DOK6: variants seen among roughly 807,000 people sequenced by gnomAD.
DOK6 encodes the protein docking protein 6.
A neutral mutation model predicts 44.0 loss-of-function variants in DOK6; 22 were observed. That is an observed-to-expected ratio of 0.50 (90% confidence interval 0.36 to 0.71). The LOEUF is 0.71. Among genes scored for constraint, DOK6 ranks in the 30% least tolerant of loss-of-function variants. The pLI is 0.00. For missense variants in DOK6, 340 were observed against 416.4 expected (o/e 0.82, Z 1.60); for synonymous variants, 166 against 145.5 (o/e 1.14, Z -1.01).
intron 3 of DOK6, among the ~76,000 whole-genome samples, chr18:69,659,287 A>G (rs1034777666): frequency 2.0e-5 from 3 of 152,236 alleles, no homozygotes; most frequent in African/African-American, 7.2e-5. Flanking sequence ...TTCAAAAGTC[A>G]CTGCTGTGCA....
intron 2 of DOK6, among the ~76,000 whole-genome samples, chr18:69,573,725 A>G (rs769605705): frequency 6.6e-6 from 1 of 151,812 alleles, no homozygotes; most frequent in Non-Finnish European, 1.5e-5. Flanking sequence ...CTTTGTATCA[A>G]CCTTACTATG....
chr18:69,576,769 A>G (rs911830600), intron 2 of DOK6, among the ~76,000 whole-genome samples: 1 of 152,212 alleles, frequency 6.6e-6, no homozygotes, highest in Non-Finnish European at 1.5e-5. Flanking sequence ...TTGTCATAAC[A>G]GATATTGAAA....
intron 1 of DOK6, among the ~76,000 whole-genome samples, chr18:69,522,247 C>T (rs983198360): frequency 1.3e-5 from 2 of 151,802 alleles, no homozygotes; most frequent in African/African-American, 2.4e-5. Flanking sequence ...CACACACACA[C>T]GAGTTACCCA....
Position 69,485,631 on chromosome 18 carries a change from T to C in DOK6, c.67-78856T>C, listed in dbSNP as rs150072934. On this transcript the variant is annotated intron_variant, in intron 1 of 7. Transcript: ENST00000382713. ...GAGTGAAGGGTAAACATTCAAACAT[T>C]CAACTCGGTTTGAGAAGAGATGATG... Among the ~76,000 whole-genome samples the C allele has an allele frequency of 9.1e-3, 1,392 of 152,204 alleles. 22 individuals are homozygous for C. The highest frequency in any genetic ancestry group is 0.031 in the African/African-American group (1,271 of 41,518).
At chr18:69,704,434 C>T (rs1029477306) in intron 5 of DOK6, among the ~76,000 whole-genome samples, 2 of 150,034 alleles carry the variant, frequency 1.3e-5, no homozygotes, top group African/African-American at 4.9e-5. Flanking sequence ...CCAGAGTCTG[C>T]AGGCGATTTG....
At chr18:69,436,604 G>A (rs1250417881) in intron 1 of DOK6, among the ~76,000 whole-genome samples, 1 of 152,164 alleles carries the variant, frequency 6.6e-6, no homozygotes, top group African/African-American at 2.4e-5. Context: ...ATTGTGAACA[G>A]TGCTGCAATA....
At chr18:69,579,666 T>C (rs1038304877) in intron 2 of DOK6, among the ~76,000 whole-genome samples, 1 of 151,952 alleles carries the variant, frequency 6.6e-6, no homozygotes, top group African/African-American at 2.4e-5. Context: ...CTCGTTCAAA[T>C]GATTCTCCTG....
intron 4 of DOK6, among the ~76,000 whole-genome samples, chr18:69,684,081 C>T (rs1986098760): frequency 6.6e-6 from 1 of 152,200 alleles, no homozygotes; most frequent in Non-Finnish European, 1.5e-5. Context: ...GGATGAAACA[C>T]AAAGTCTTGA....
At chr18:69,533,095 A>G (rs1048702597) in intron 1 of DOK6, among the ~76,000 whole-genome samples, 1 of 152,282 alleles carries the variant, frequency 6.6e-6, no homozygotes, top group East Asian at 1.9e-4. Flanking sequence ...CTTAAAAAAT[A>G]TCACATTTAG....
intron 5 of DOK6, 113 bp downstream of exon 5, chr18:69,698,706 A>G: frequency 9.9e-7 from 1 of 1,012,906 alleles, no homozygotes. Flanking sequence ...CACTGTTTTC[A>G]TTCAGGGTAA....
intron 4 of DOK6, among the ~76,000 whole-genome samples, chr18:69,690,013 C>T (rs1178582541): frequency 1.3e-5 from 2 of 151,966 alleles, no homozygotes; most frequent in Non-Finnish European, 2.9e-5. Context: ...TATTATGATA[C>T]AGTATAACAG....
chr18:69,748,875 G>A, intron 6 of DOK6, among the ~76,000 whole-genome samples: 1 of 152,128 alleles, frequency 6.6e-6, no homozygotes, highest in East Asian at 1.9e-4. Context: ...CTGAAGCACT[G>A]TTCACAATAG....
At chr18:69,481,657 A>G (rs1195016092) in intron 1 of DOK6, among the ~76,000 whole-genome samples, 21 of 152,106 alleles carry the variant, frequency 1.4e-4, no homozygotes, top group African/African-American at 4.8e-4. Context: ...AGTCTTTGCT[A>G]TTGTGAATAG....
intron 1 of DOK6, among the ~76,000 whole-genome samples, chr18:69,547,094 G>GTTGT (rs1054047982): frequency 6.6e-6 from 1 of 151,270 alleles, no homozygotes; most frequent in East Asian, 1.9e-4. Flanking sequence ...ACCCTTTTTT[G>GTTGT]TTGTTTGTTT....
At chr18:69,718,226 G>A (rs199614338) in intron 5 of DOK6, among the ~76,000 whole-genome samples, 3 of 152,278 alleles carry the variant, frequency 2.0e-5, no homozygotes, top group East Asian at 3.9e-4. Flanking sequence ...GGTAGAAGGG[G>A]AGAGTTGGGA....
chr18:69,800,470 C>T (rs938294784), intron 7 of DOK6, among the ~76,000 whole-genome samples: 26 of 152,224 alleles, frequency 1.7e-4, no homozygotes, highest in African/African-American at 5.5e-4. Context: ...ATCCAATGTA[C>T]TTTATCTGTA....
chr18:69,574,185 G>A (rs1194985742), intron 2 of DOK6, among the ~76,000 whole-genome samples: 1 of 151,984 alleles, frequency 6.6e-6, no homozygotes. Flanking sequence ...CAGACCCCAA[G>A]TTTCAGAAAA....
chr18:69,641,845 A>C (rs896925839), intron 3 of DOK6, among the ~76,000 whole-genome samples: 8 of 152,144 alleles, frequency 5.3e-5, no homozygotes, highest in African/African-American at 1.9e-4. Flanking sequence ...ACACACAAAA[A>C]AAGATTCTGC....
intron 1 of DOK6, among the ~76,000 whole-genome samples, chr18:69,461,399 A>G (rs1457192764): frequency 6.6e-6 from 1 of 152,098 alleles, no homozygotes; most frequent in Non-Finnish European, 1.5e-5. Flanking sequence ...CCACTCCACC[A>G]TGGGAACAGC....
Sources: gnomAD v4.1 joint callset for allele counts (sites outside exome capture counted in the v4.1 genomes callset) on GRCh38, gnomAD v4.1.1 for gene constraint, MANE v1.5 for transcripts, NCBI Gene and HGNC (gene_info 2026-07-23, HGNC 2026-07-21) for gene names.